Variants in TRERF1 observed in about 807,000 individuals in gnomAD.
The protein encoded by TRERF1 is transcriptional regulating factor 1.
A neutral mutation model predicts 122.9 loss-of-function variants in TRERF1; 27 were observed. The observed-to-expected ratio is 0.22, with a 90% CI of 0.16 to 0.30. TRERF1 has a LOEUF of 0.30. TRERF1 is among the 10% of genes least tolerant of loss of function. The probability of loss-of-function intolerance (pLI) is 1.00; values close to 1 mark genes in which losing one functional copy is unlikely to be tolerated. For synonymous variants in TRERF1, 636 were observed against 641.7 expected, an observed-to-expected ratio of 0.99 and a Z score of 0.13; for missense variants, 1,248 against 1,560.3, an observed-to-expected ratio of 0.80 and a Z score of 3.37.
rs756998680 is a variant in TRERF1 at position 42,268,641 on chromosome 6, CGCTGCTGCAGCTGTAGCTGCTGCG to C, written c.926_949del (p.Pro309_Gln316del). The C allele has an allele frequency of 1.1e-5, 17 of 1,614,122 alleles. No homozygotes were observed. The Admixed American group carries it at 2.5e-4, about 24-fold the overall frequency. The stretch of plus-strand genomic sequence containing the variant: ...CTGAGGTATCTGCATTGAACCCTGC[CGCTGCTGCAGCTGTAGCTGCTGCG>C]GCTGCTGCTGCTGTGGCGGCGGCTG... On this transcript the variant is annotated inframe_deletion, in exon 5 of 18. Coordinates refer to ENST00000372922, the Ensembl canonical transcript of TRERF1. The surrounding 1 kb of genome is among the most constrained non-coding windows in gnomAD (Gnocchi z 4.4).
At chr6:42,440,115 C>T (rs1786225582) in intron 2 of TRERF1, among the ~76,000 whole-genome samples, 1 of 152,146 alleles carries the variant, frequency 6.6e-6, no homozygotes, top group African/African-American at 2.4e-5. Context: ...CTATGAGACC[C>T]TTGACCTTCC....
chr6:42,268,779 G>A lies in TRERF1; in HGVS notation c.812C>T (p.Pro271Leu), dbSNP rs776995862. 45 of 1,614,028 alleles carry A rather than the reference G, an allele frequency of 2.8e-5. No homozygotes were observed. The highest frequency in any genetic ancestry group is 3.1e-5 in the Non-Finnish European group (36 of 1,180,026). The change falls in exon 5 of 18, where the codon CCA becomes CTA. Residue 271 changes from proline to leucine, a missense_variant. Around this residue, in one of 5 missense-constraint regions of TRERF1, gnomAD observed 946 missense variants for 1,073.0 expected, o/e 0.88. Coordinates refer to ENST00000372922, the Ensembl canonical transcript of TRERF1. This position sits in a 1 kb window ranked among gnomAD's most constrained non-coding sequence, Gnocchi z 4.4. The stretch of plus-strand genomic sequence containing the variant: ...CCCGGCTTGCTGCTGTTGCTGCGGT[G>A]GGTAATACTGGTGCTGCTGCATCTG...
At chr6:42,356,080 A>T (rs989490018) in intron 3 of TRERF1, among the ~76,000 whole-genome samples, 2 of 152,308 alleles carry the variant, frequency 1.3e-5, no homozygotes, top group African/African-American at 4.8e-5. Context: ...GCTCTGTGGT[A>T]AAGGTCTTCC....
At chr6:42,401,225 G>A (rs1034279737) in intron 2 of TRERF1, among the ~76,000 whole-genome samples, 2 of 152,168 alleles carry the variant, frequency 1.3e-5, no homozygotes, top group African/African-American at 4.8e-5. Context: ...CTGAGATACT[G>A]AATTAATTAC....
intron 3 of TRERF1, among the ~76,000 whole-genome samples, chr6:42,350,214 T>C (rs1769145230): frequency 6.6e-6 from 1 of 152,188 alleles, no homozygotes; most frequent in Non-Finnish European, 1.5e-5. Flanking sequence ...AATTCACTCA[T>C]CCAACACATC....
In TRERF1 at chr6:42,263,529, G is replaced by A; in HGVS notation, c.1675C>T (p.Pro559Ser). 2 of 1,564,764 alleles carry A rather than the reference G, an allele frequency of 1.3e-6. No homozygotes were observed. The highest frequency in any genetic ancestry group is 1.7e-6 in the Non-Finnish European group (2 of 1,153,970). ...GGAGGCGGAGGCGGAGGCGGCAGTGGTGGCTGGGGCTGAGGCGGCAGGACC... is the reference window on the plus strand; with the variant it reads ...GGAGGCGGAGGCGGAGGCGGCAGTGATGGCTGGGGCTGAGGCGGCAGGACC... Residue 559 changes from proline to serine, a missense_variant, in exon 8 of 18, where the codon CCA becomes TCA. Transcript: ENST00000372922. The surrounding 1 kb of genome is among the most constrained non-coding windows in gnomAD (Gnocchi z 5.6).
At chr6:42,405,061 G>C (rs1260685978) in intron 2 of TRERF1, among the ~76,000 whole-genome samples, 1 of 152,184 alleles carries the variant, frequency 6.6e-6, no homozygotes, top group Non-Finnish European at 1.5e-5. Flanking sequence ...CTGTGCTCCA[G>C]AACTCTGGGT....
chr6:42,409,846 G>A (rs1211821439), intron 2 of TRERF1, among the ~76,000 whole-genome samples: 1 of 152,154 alleles, frequency 6.6e-6, no homozygotes, highest in Non-Finnish European at 1.5e-5. Context: ...CCTGTGTAAG[G>A]ATTGCTACAC....
At chr6:42,389,708 G>A (rs1777391452) in intron 2 of TRERF1, among the ~76,000 whole-genome samples, 1 of 152,176 alleles carries the variant, frequency 6.6e-6, no homozygotes, top group Non-Finnish European at 1.5e-5. Context: ...GGCAATTCAG[G>A]TGAAGCCCAC....
At position 42,259,699 on chromosome 6, in the gene TRERF1, T is replaced by C; in HGVS notation, c.1909A>G (p.Ser637Gly). 6.2e-7 allele frequency: 1 copy of C among 1,604,292 alleles called. No homozygotes were observed. The highest frequency in any genetic ancestry group is 8.5e-7 in the Non-Finnish European group (1 of 1,179,954). The change falls in exon 9 of 18, where the codon AGT (serine) becomes GGT (glycine). Residue 637 changes from serine to glycine, a missense_variant. Physicochemically the swap from Ser to Gly is moderately conservative, Grantham distance 56. Transcript: ENST00000372922. This position sits in a 1 kb window ranked among gnomAD's most constrained non-coding sequence, Gnocchi z 4.9. ...AGGGGCTCCTCGGCTTTGGGCACAC[T>C]CGGCTGATGCTTCCTGGGGATTTCC...
intron 5 of TRERF1, among the ~76,000 whole-genome samples, chr6:42,266,497 C>A (rs1779222921): frequency 6.6e-6 from 1 of 152,170 alleles, no homozygotes; most frequent in Admixed American, 6.5e-5. Context: ...CCCTGGAATT[C>A]TTCTTAAAAA....
chr6:42,297,122 C>G (rs184140678), intron 4 of TRERF1, among the ~76,000 whole-genome samples: 6 of 152,206 alleles, frequency 3.9e-5, no homozygotes, highest in Non-Finnish European at 7.3e-5. Context: ...CCTATGGCTA[C>G]ACCCTCTCTG....
chr6:42,239,237 G>A (rs1354504196), intron 15 of TRERF1, among the ~76,000 whole-genome samples: 1 of 152,200 alleles, frequency 6.6e-6, no homozygotes, highest in Non-Finnish European at 1.5e-5. Context: ...TTGGAGCCCT[G>A]ATTGCTGTTT....
intron 16 of TRERF1, among the ~76,000 whole-genome samples, chr6:42,233,339 G>A (rs1385409443): frequency 3.5e-5 from 5 of 144,502 alleles, no homozygotes; most frequent in Non-Finnish European, 6.0e-5. Context: ...AGGCTGGAGT[G>A]TGGTGGTGCG....
chr6:42,403,937 C>G (rs981158664), intron 2 of TRERF1, among the ~76,000 whole-genome samples: 11 of 151,750 alleles, frequency 7.2e-5, no homozygotes, highest in African/African-American at 1.5e-4. Context: ...TGAGACCCCC[C>G]CCAGGCCTTG....
intron 3 of TRERF1, among the ~76,000 whole-genome samples, chr6:42,348,537 G>A (rs189389819): frequency 1.3e-5 from 2 of 152,202 alleles, no homozygotes; most frequent in Admixed American, 6.5e-5. Flanking sequence ...ACAGGCGTGA[G>A]CCATCGTGCC....
chr6:42,281,015 T>C (rs1782211714), intron 4 of TRERF1, among the ~76,000 whole-genome samples: 1 of 152,120 alleles, frequency 6.6e-6, no homozygotes, highest in Non-Finnish European at 1.5e-5. Flanking sequence ...GTGGGAGGGA[T>C]GATGAAGGTT....
In TRERF1 at chr6:42,408,271, A is replaced by ATATATACATACTCATGTGTGTGTG. The variant is rs1191569662; in HGVS notation, c.-454+42905_-454+42906insCACACACACATGAGTATGTATATA. The stretch of plus-strand genomic sequence containing the variant: ...TATACATACACATGTGTGTGTATGT[A>ATATATACATACTCATGTGTGTGTG]TATATACATACACATGTGTGTGTAT... On this transcript the variant is annotated intron_variant, in intron 2 of 17. Transcript: ENST00000372922. 5.8e-3 allele frequency among the ~76,000 whole-genome samples: 816 copies of ATATATACATACTCATGTGTGTGTG among 140,390 alleles called. 8 individuals are homozygous for ATATATACATACTCATGTGTGTGTG. Among genetic ancestry groups the ATATATACATACTCATGTGTGTGTG allele is most frequent in the Non-Finnish European group, 0.011 (700 of 64,986 alleles). The allele number at this position is 140,390 out of a possible 152,430, so 92.1% of individuals were successfully genotyped here.
chr6:42,320,173 A>G (rs1393602196), intron 3 of TRERF1, among the ~76,000 whole-genome samples: 1 of 152,118 alleles, frequency 6.6e-6, no homozygotes, highest in East Asian at 1.9e-4. Flanking sequence ...TACTGGGATT[A>G]CAGGCATGAG....
Sources: gnomAD v4.1 joint callset for allele counts (sites outside exome capture counted in the v4.1 genomes callset) on GRCh38, gnomAD v4.1.1 for gene constraint, gnomAD v4.1.1 regional missense constraint, Gnocchi (gnomAD v3.1) non-coding constraint, MANE v1.5 for transcripts, NCBI Gene and HGNC (gene_info 2026-07-23, HGNC 2026-07-21) for gene names.